FAM228B: variants seen among roughly 807,000 people sequenced by gnomAD.
FAM228B encodes protein FAM228B.
In FAM228B, 38 loss-of-function variants were observed where a neutral mutation model predicts 42.6. That is an observed-to-expected ratio of 0.89 (90% CI 0.69 to 1.17). The LOEUF (loss-of-function observed/expected upper bound fraction) is 1.17, where lower values mean the gene tolerates loss of function less well. Ranked by LOEUF, FAM228B falls within the 50% of genes most tolerant of loss-of-function variation. FAM228B has a pLI of 0.00. For synonymous variants in FAM228B, 109 were observed against 122.3 expected, an observed-to-expected ratio of 0.89 and a Z score of 0.72; for missense variants, 344 against 367.3, an observed-to-expected ratio of 0.94 and a Z score of 0.52.
At chr2:24,115,530 T>C in intron 3 of FAM228B, 1 of 1,499,124 alleles carries the variant, frequency 6.7e-7, no homozygotes, top group Non-Finnish European at 9.2e-7. Context: ...TTCTTTAGGC[T>C]CTTCAATTTT....
intron 2 of FAM228B, among the ~76,000 whole-genome samples, chr2:24,086,972 G>A (rs1665272170): frequency 6.6e-6 from 1 of 152,164 alleles, no homozygotes; most frequent in Admixed American, 6.5e-5. Flanking sequence ...AATGGATTAA[G>A]ATAGATGAGG....
At chr2:24,156,615 CAA>C (rs1667151204) in intron 7 of FAM228B, among the ~76,000 whole-genome samples, 1 of 152,160 alleles carries the variant, frequency 6.6e-6, no homozygotes, top group South Asian at 2.1e-4. Flanking sequence ...GCCTGGGCAA[CAA>C]GAGCAAAACT....
intron 3 of FAM228B, among the ~76,000 whole-genome samples, chr2:24,108,482 CACA>C (rs1389533852): frequency 2.6e-5 from 4 of 152,166 alleles, no homozygotes; most frequent in East Asian, 1.9e-4. Context: ...CTGTCAGAGA[CACA>C]ACAACAACAA....
intron 5 of FAM228B, among the ~76,000 whole-genome samples, chr2:24,139,916 GC>G (rs1330450951): frequency 6.6e-6 from 1 of 152,032 alleles, no homozygotes; most frequent in Non-Finnish European, 1.5e-5. Context: ...TTTATAATGA[GC>G]TTCCCCTCCC....
At chr2:24,124,515 A>G (rs1289352139) in intron 2 of FAM228B, 55 bp downstream of exon 2, 1 of 1,098,210 alleles carries the variant, frequency 9.1e-7, no homozygotes, top group East Asian at 2.6e-5. Flanking sequence ...TCGTTGCAGT[A>G]GGAAGTGGCT....
chr2:24,079,025 C>T, intron 1 of FAM228B: 1 of 166,402 alleles, frequency 6.0e-6, no homozygotes, highest in South Asian at 1.5e-4. Flanking sequence ...GCTGGGACTA[C>T]AAGCAAGTGC....
chr2:24,091,712 G>A (rs556929957), intron 2 of FAM228B, among the ~76,000 whole-genome samples: 3 of 152,138 alleles, frequency 2.0e-5, no homozygotes, highest in Admixed American at 6.5e-5. Flanking sequence ...ATATAATGAA[G>A]ACTGTAAAAC....
At chr2:24,101,158 A>G (rs576513395) in intron 3 of FAM228B, among the ~76,000 whole-genome samples, 20 of 152,290 alleles carry the variant, frequency 1.3e-4, no homozygotes, top group Non-Finnish European at 2.5e-4. Flanking sequence ...GAAATACCTA[A>G]TGTAAATGAT....
At chr2:24,148,841 C>T (rs764453832) in intron 7 of FAM228B, among the ~76,000 whole-genome samples, 1 of 151,952 alleles carries the variant, frequency 6.6e-6, no homozygotes, top group Non-Finnish European at 1.5e-5. Flanking sequence ...TTTTTTGTCC[C>T]CATTAACCCC....
At chr2:24,088,613 A>C (rs934071613) in intron 2 of FAM228B, among the ~76,000 whole-genome samples, 2 of 152,160 alleles carry the variant, frequency 1.3e-5, no homozygotes, top group African/African-American at 4.8e-5. Flanking sequence ...GGCCTCCCAA[A>C]GTGTTGCGAT....
intron 7 of FAM228B, among the ~76,000 whole-genome samples, chr2:24,151,437 C>A (rs887297570): frequency 4.0e-5 from 6 of 150,916 alleles, no homozygotes; most frequent in African/African-American, 1.5e-4. Flanking sequence ...ACTACAGGCA[C>A]CCACCACCAC....
At chr2:24,146,167 A>G (rs1315332324) in intron 5 of FAM228B, among the ~76,000 whole-genome samples, 1 of 152,206 alleles carries the variant, frequency 6.6e-6, no homozygotes, top group Non-Finnish European at 1.5e-5. Context: ...AGAAAGATAC[A>G]TGAGTGACCT....
intron 3 of FAM228B, among the ~76,000 whole-genome samples, chr2:24,110,562 A>G (rs1573742487): frequency 6.6e-6 from 1 of 152,106 alleles, no homozygotes; most frequent in East Asian, 1.9e-4. Flanking sequence ...TTGGAGAGAG[A>G]GCTTCTGGGC....
In FAM228B at chr2:24,160,819, C is replaced by T. The variant is rs911904470; in HGVS notation, c.687-687C>T. On this transcript the variant is annotated intron_variant, in intron 7 of 10. Transcript: ENST00000615575. ...AGGACTCTAAGATACCTGTCTGCCACCCCATGGCAAAGGACTGGGAAGTGG... is the reference window on the plus strand; with the variant it reads ...AGGACTCTAAGATACCTGTCTGCCATCCCATGGCAAAGGACTGGGAAGTGG... Among the ~76,000 whole-genome samples, 13 of 152,306 alleles carry T rather than the reference C, an allele frequency of 8.5e-5. No homozygotes were observed. The East Asian group carries it at 1.7e-3, about 20-fold the overall frequency.
At chr2:24,159,076 T>C (rs1230582610) in intron 7 of FAM228B, among the ~76,000 whole-genome samples, 2 of 152,224 alleles carry the variant, frequency 1.3e-5, no homozygotes, top group African/African-American at 2.4e-5. Context: ...TCTCTGTGTC[T>C]GTGTCCAAAT....
chr2:24,098,985 A>G (rs546056645), intron 3 of FAM228B, among the ~76,000 whole-genome samples: 2 of 152,218 alleles, frequency 1.3e-5, no homozygotes, highest in African/African-American at 4.8e-5. Flanking sequence ...AACATACACA[A>G]ATCAATAAAT....
rs1281783391 is a variant in FAM228B, at chr2:24,084,231, CAGG to C, written c.-210+3281_-210+3283del. ...GGTTCAGGGCGCTGGCCGCCACCTT[CAGG>C]AGGACTTCACCCTCCCCCGGGCTCG... On this transcript the variant is annotated intron_variant, in intron 2 of 10. Transcript: ENST00000613899. This position sits in a 1 kb window ranked among gnomAD's most constrained non-coding sequence, Gnocchi z 8.4. The C allele has an allele frequency of 2.5e-6, 4 of 1,614,060 alleles. No homozygotes were observed. In the South Asian group the frequency reaches 3.3e-5, roughly 13 times the overall value.
intron 5 of FAM228B, among the ~76,000 whole-genome samples, chr2:24,144,840 C>G (rs1473426065): frequency 1.3e-5 from 2 of 152,172 alleles, no homozygotes; most frequent in African/African-American, 4.8e-5. Context: ...ACAGCACAGC[C>G]ACCAGCACCC....
chr2:24,086,507 C>T (rs1405290641), intron 2 of FAM228B, among the ~76,000 whole-genome samples: 1 of 150,742 alleles, frequency 6.6e-6, no homozygotes, highest in Non-Finnish European at 1.5e-5. Context: ...TTCCTTCCTT[C>T]CCTCCTTCCC....
Sources: gnomAD v4.1 joint callset for allele counts (sites outside exome capture counted in the v4.1 genomes callset) on GRCh38, gnomAD v4.1.1 for gene constraint, Gnocchi (gnomAD v3.1) non-coding constraint, MANE v1.5 for transcripts, NCBI Gene and HGNC (gene_info 2026-07-23, HGNC 2026-07-21) for gene names.